The following UNC79 variants were observed in gnomAD, a reference collection of about 807,000 sequenced individuals.
UNC79 encodes the protein protein unc-79 homolog.
A neutral mutation model predicts 283.1 loss-of-function variants in UNC79; 37 were observed. That is an observed-to-expected ratio of 0.13 (90% CI 0.10 to 0.17). The LOEUF (loss-of-function observed/expected upper bound fraction) is 0.17. UNC79 is among the 10% of genes least tolerant of loss of function. The probability of loss-of-function intolerance (pLI) is 1.00; values close to 1 mark genes in which losing one functional copy is unlikely to be tolerated. For synonymous variants in UNC79, 1,107 were observed against 1,200.2 expected (o/e 0.92, Z 1.61); for missense variants, 2,272 against 3,211.1 (o/e 0.71, Z 7.07).
intron 1 of UNC79, among the ~76,000 whole-genome samples, chr14:93,398,692 T>C (rs2055045544): frequency 6.6e-6 from 1 of 152,196 alleles, no homozygotes; most frequent in Non-Finnish European, 1.5e-5. Context: ...AGGATTTTCC[T>C]GAATGTTGTA....
Position 93,474,016 on chromosome 14 carries a change from G to T in UNC79, c.144-73G>T. On this transcript the variant is annotated intron_variant, in intron 2 of 48. Transcript: ENST00000555664. This position sits in a 1 kb window ranked among gnomAD's most constrained non-coding sequence, Gnocchi z 4.1. ...ATCTGGTGTTTTATTATTTGTTTTA[G>T]AGTGTCATTTCAATGTAATGTGCTG... The T allele has an allele frequency of 4.9e-6, 7 of 1,437,506 alleles. No individual in the cohort carries two copies. The highest frequency in any genetic ancestry group is 6.4e-6 in the Non-Finnish European group (7 of 1,092,686). 89.0% of individuals were successfully genotyped at this position (1,437,506 alleles called of 1,614,324 possible).
intron 41 of UNC79, among the ~76,000 whole-genome samples, chr14:93,681,761 T>C (rs1236700489): frequency 6.6e-6 from 1 of 152,234 alleles, no homozygotes; most frequent in Non-Finnish European, 1.5e-5. Context: ...TACTTCATGG[T>C]TAACTTTTTT....
At chr14:93,527,512 T>G (rs938661719) in intron 8 of UNC79, among the ~76,000 whole-genome samples, 5 of 152,216 alleles carry the variant, frequency 3.3e-5, no homozygotes, top group Non-Finnish European at 7.3e-5. Flanking sequence ...GGGGAATATA[T>G]AGTTTACAAA....
rs558148762 is a variant in UNC79 at position 93,688,415 on chromosome 14, G to A, written c.6910-250G>A. 3.3e-5 allele frequency among the ~76,000 whole-genome samples: 5 copies of A among 152,060 alleles called. No homozygotes were observed. Among genetic ancestry groups the A allele is most frequent in the Non-Finnish European group, 5.9e-5 (4 of 68,032 alleles). On this transcript the variant is annotated intron_variant, in intron 43 of 48. Coordinates refer to ENST00000555664, the Ensembl canonical transcript of UNC79. The surrounding 1 kb of genome is among the most constrained non-coding windows in gnomAD (Gnocchi z 4.0). ...ATAGCAGCAGGGGGGAACACAGAGA[G>A]CCAACACAGCTGGAGCTGCAGGCAG...
At chr14:93,610,749 T>C (rs898630852) in intron 26 of UNC79, among the ~76,000 whole-genome samples, 1 of 152,086 alleles carries the variant, frequency 6.6e-6, no homozygotes, top group Admixed American at 6.6e-5. Flanking sequence ...TAGCTGGGAC[T>C]ACAGGTGTGC....
intron 46 of UNC79, among the ~76,000 whole-genome samples, chr14:93,693,203 C>G (rs865927379): frequency 6.6e-6 from 1 of 152,074 alleles, no homozygotes; most frequent in Non-Finnish European, 1.5e-5. Flanking sequence ...AAAATCTTAG[C>G]GTTTGAATAG....
At chr14:93,670,578 A>G (rs779234009) in intron 40 of UNC79, among the ~76,000 whole-genome samples, 10 of 152,234 alleles carry the variant, frequency 6.6e-5, no homozygotes, top group Non-Finnish European at 1.2e-4. Flanking sequence ...GCCACCTTCC[A>G]GGAACCCTCC....
At chr14:93,649,850 T>G (rs1476512946) in intron 35 of UNC79, among the ~76,000 whole-genome samples, 1 of 152,228 alleles carries the variant, frequency 6.6e-6, no homozygotes. Context: ...TACAAGGAAG[T>G]GCACAAATCT....
At chr14:93,529,407 T>C (rs2060698268) in intron 10 of UNC79, 81 bp downstream of exon 10, 1 of 1,481,132 alleles carries the variant, frequency 6.8e-7, no homozygotes, top group South Asian at 1.2e-5. Context: ...TGTACTATTT[T>C]ATTTTACAAA....
intron 1 of UNC79, among the ~76,000 whole-genome samples, chr14:93,394,351 C>CA (rs779142641): frequency 4.7e-4 from 59 of 124,766 alleles, no homozygotes; most frequent in African/African-American, 1.7e-3. Flanking sequence ...ATGCAATTGT[C>CA]TTTTATTTTA....
chr14:93,593,881 C>T (rs1175936072), intron 23 of UNC79, 44 bp downstream of exon 23: 2 of 1,529,068 alleles, frequency 1.3e-6, no homozygotes, highest in African/African-American at 1.4e-5. Context: ...TCACACAGTA[C>T]ACGGGTGTCT....
At chr14:93,572,587 A>G in intron 15 of UNC79, 106 bp from the exon 16 acceptor site, 1 of 1,505,656 alleles carries the variant, frequency 6.6e-7, no homozygotes, top group Non-Finnish European at 8.9e-7. Flanking sequence ...AACTAATCTA[A>G]AAGGCTTGGC....
intron 23 of UNC79, among the ~76,000 whole-genome samples, chr14:93,595,674 T>C (rs2065027341): frequency 6.6e-6 from 1 of 152,186 alleles, no homozygotes; most frequent in Non-Finnish European, 1.5e-5. Flanking sequence ...AATGCCGCCA[T>C]TGAGGTCCAC....
intron 47 of UNC79, among the ~76,000 whole-genome samples, chr14:93,702,971 TA>T (rs2075638232): frequency 1.3e-5 from 2 of 152,252 alleles, no homozygotes; most frequent in African/African-American, 4.8e-5. Flanking sequence ...TCATGGTGAA[TA>T]GAGCATCCCC....
At chr14:93,517,797 T>C (rs746167503) in intron 7 of UNC79, among the ~76,000 whole-genome samples, 9 of 152,068 alleles carry the variant, frequency 5.9e-5, no homozygotes, top group Admixed American at 1.3e-4. Flanking sequence ...TATATATCTT[T>C]TCTTTCTAAA....
At chr14:93,572,202 C>A in intron 15 of UNC79, 118 bp downstream of exon 15, 1 of 1,152,812 alleles carries the variant, frequency 8.7e-7, no homozygotes, top group Non-Finnish European at 1.2e-6. Flanking sequence ...TATTTTTTAA[C>A]CACCCTGTGG....
In UNC79 at chr14:93,531,343, C is replaced by T. The variant is rs1005075574; in HGVS notation, c.1094-1207C>T. 2.0e-5 allele frequency among the ~76,000 whole-genome samples: 3 copies of T among 152,156 alleles called. No individual in the cohort carries two copies. Among genetic ancestry groups the T allele is most frequent in the African/African-American group, 7.2e-5 (3 of 41,430 alleles). ...CAGACAGGGTTTGGGAGACATTTAC[C>T]TTTGATCTTTTAAATAAATTGTAAC... is the stretch of plus-strand genomic sequence containing the variant. On this transcript the variant is annotated intron_variant, in intron 10 of 48. Transcript: ENST00000555664. The surrounding 1 kb of genome is among the most constrained non-coding windows in gnomAD (Gnocchi z 4.2).
At chr14:93,352,816 A>G (rs1288647681) in intron 1 of UNC79, among the ~76,000 whole-genome samples, 3 of 152,212 alleles carry the variant, frequency 2.0e-5, no homozygotes, top group Non-Finnish European at 4.4e-5. Flanking sequence ...TGATAAACCC[A>G]TTGTAAATTG....
At chr14:93,640,742 T>C (rs931099765) in intron 32 of UNC79, among the ~76,000 whole-genome samples, 2 of 152,248 alleles carry the variant, frequency 1.3e-5, no homozygotes, top group African/African-American at 4.8e-5. Context: ...AATGTTGATA[T>C]GCGTTTGTGA....
Sources: gnomAD v4.1 joint callset for allele counts (sites outside exome capture counted in the v4.1 genomes callset) on GRCh38, gnomAD v4.1.1 for gene constraint, Gnocchi (gnomAD v3.1) non-coding constraint, MANE v1.5 for transcripts, NCBI Gene and HGNC (gene_info 2026-07-23, HGNC 2026-07-21) for gene names.